Variants in AOAH observed in about 807,000 individuals in gnomAD.
AOAH encodes acyloxyacyl hydrolase (neutrophil).
A neutral mutation model predicts 92.2 loss-of-function variants in AOAH; 64 were observed. The ratio of observed to expected loss-of-function variants is 0.69; its 90% CI spans 0.57 to 0.86. The LOEUF (loss-of-function observed/expected upper bound fraction) is 0.86, where lower values mean the gene tolerates loss of function less well. Among genes scored for constraint, AOAH ranks in the 40% least tolerant of loss-of-function variants. The pLI, the probability that AOAH is intolerant of heterozygous loss-of-function variation, is 0.00. For missense variants in AOAH, 656 were observed against 694.6 expected, an observed-to-expected ratio of 0.94 and a Z score of 0.62; for synonymous variants, 263 against 254.5, an observed-to-expected ratio of 1.03 and a Z score of -0.32.
chr7:36,564,566 A>C (rs1475003674), intron 13 of AOAH, among the ~76,000 whole-genome samples: 2 of 152,246 alleles, frequency 1.3e-5, no homozygotes, highest in African/African-American at 4.8e-5. Flanking sequence ...AGCTCACTCA[A>C]GCTATCAGTA....
At chr7:36,515,008 C>T (rs543045766) in intron 20 of AOAH, among the ~76,000 whole-genome samples, 67 of 151,930 alleles carry the variant, frequency 4.4e-4, no homozygotes, top group East Asian at 1.5e-3. Context: ...TCACTCATCC[C>T]GCTGCGTAAT....
At chr7:36,656,694 C>T (rs778573977) in intron 4 of AOAH, among the ~76,000 whole-genome samples, 4 of 151,696 alleles carry the variant, frequency 2.6e-5, no homozygotes, top group African/African-American at 4.9e-5. Context: ...AGTTTGTTTA[C>T]GTTTTTTATG....
At chr7:36,688,173 A>G (rs918708022) in intron 1 of AOAH, among the ~76,000 whole-genome samples, 1 of 152,176 alleles carries the variant, frequency 6.6e-6, no homozygotes, top group Non-Finnish European at 1.5e-5. Flanking sequence ...ATTACATTGC[A>G]ATTAATTTAG....
At chr7:36,586,088 C>T (rs1288572470) in intron 12 of AOAH, among the ~76,000 whole-genome samples, 1 of 152,022 alleles carries the variant, frequency 6.6e-6, no homozygotes, top group Non-Finnish European at 1.5e-5. Context: ...GGGTCCCATC[C>T]CTTCTTGCCT....
intron 1 of AOAH, among the ~76,000 whole-genome samples, chr7:36,704,393 G>A (rs1216523980): frequency 6.6e-6 from 1 of 152,102 alleles, no homozygotes; most frequent in Non-Finnish European, 1.5e-5. Context: ...AAATCTAGAA[G>A]AAATGGATAA....
chr7:36,692,464 T>A (rs1025689747), intron 1 of AOAH, among the ~76,000 whole-genome samples: 90 of 148,390 alleles, frequency 6.1e-4, no homozygotes, highest in Non-Finnish European at 9.7e-4. Flanking sequence ...ATTTTTTTTT[T>A]ATGAGAAAAT....
Position 36,724,172 on chromosome 7 carries a change from A to G in AOAH, c.-24T>C. The G allele has an allele frequency of 6.2e-7, 1 of 1,610,394 alleles. No homozygotes were observed. The highest frequency in any genetic ancestry group is 8.5e-7 in the Non-Finnish European group (1 of 1,177,772). On this transcript the variant is annotated 5_prime_UTR_variant, in exon 1 of 21. Coordinates refer to ENST00000617537, the MANE Select transcript of AOAH (RefSeq NM_001637.4). ...ATCTCCGAGCTATGCACCCCAAGTG[A>G]TCACCCGGCTTTGGAAGCTCCCAAC...
intron 4 of AOAH, among the ~76,000 whole-genome samples, chr7:36,657,282 G>A (rs1407917688): frequency 6.6e-6 from 1 of 152,178 alleles, no homozygotes; most frequent in African/African-American, 2.4e-5. Flanking sequence ...TGTGAACCCA[G>A]TTCTGTTCTT....
At chr7:36,654,597 A>G (rs878898726) in intron 4 of AOAH, among the ~76,000 whole-genome samples, 1 of 152,150 alleles carries the variant, frequency 6.6e-6, no homozygotes, top group Admixed American at 6.5e-5. Context: ...GCTCCCTGCT[A>G]CAGAGGGGCC....
chr7:36,532,174 G>A lies in AOAH; in HGVS notation c.1398C>T (p.Asn466=). Residue 466 remains asparagine, a synonymous_variant, in exon 18 of 21, where the codon AAC becomes AAT. Transcript: ENST00000617537. ...CTGAAGTGAGAGTCCGCAACGTCTT[G>A]TTGGAAGACATCCAGCCGTGGCAGG... ...VSPCHGWMSS[N]KTLRTLTSER... 6.2e-7 allele frequency: 1 copy of A among 1,614,230 alleles called. No individual in the cohort carries two copies. Among genetic ancestry groups the A allele is most frequent in the Non-Finnish European group, 8.5e-7 (1 of 1,180,040 alleles).
At chr7:36,692,240 C>T (rs1431708972) in intron 1 of AOAH, among the ~76,000 whole-genome samples, 1 of 152,196 alleles carries the variant, frequency 6.6e-6, no homozygotes, top group Non-Finnish European at 1.5e-5. Context: ...TAGTTCCTCT[C>T]CCGTCTACTA....
At position 36,724,043 on chromosome 7, in the gene AOAH, AG is replaced by A. The variant is rs1240132130; in HGVS notation, c.105del (p.Ser36ArgfsTer7). 6.2e-7 allele frequency: 1 copy of A among 1,613,678 alleles called. No homozygotes were observed. The highest frequency in any genetic ancestry group is 8.5e-7 in the Non-Finnish European group (1 of 1,179,708). The part of the protein sequence containing the change: ...PANDDQSRPS[L>X]SNGHTCVGCV... Reference sequence around the variant, plus strand: ...ATACCTACACAGGTGTGCCCATTCGAGAGGCTGGGCCTGGACTGGTCATCGT... The same window carrying A: ...ATACCTACACAGGTGTGCCCATTCGAAGGCTGGGCCTGGACTGGTCATCGT... On this transcript the variant is annotated frameshift_variant, in exon 1 of 21. Coordinates refer to ENST00000617537, the MANE Select transcript of AOAH (RefSeq NM_001637.4). LOFTEE classifies it high-confidence loss of function.
chr7:36,610,146 T>C (rs1202523084), intron 11 of AOAH, among the ~76,000 whole-genome samples: 1 of 121,554 alleles, frequency 8.2e-6, no homozygotes, highest in East Asian at 2.2e-4. Context: ...TTAAGGAGAA[T>C]GCTCCATAAT....
At chr7:36,547,404 C>T (rs575919223) in intron 15 of AOAH, among the ~76,000 whole-genome samples, 13 of 152,334 alleles carry the variant, frequency 8.5e-5, no homozygotes, top group African/African-American at 1.4e-4. Context: ...TTTATCTGTG[C>T]GGGCAAACAC....
At chr7:36,613,398 A>C (rs1166596245) in intron 11 of AOAH, among the ~76,000 whole-genome samples, 2 of 152,184 alleles carry the variant, frequency 1.3e-5, no homozygotes, top group African/African-American at 4.8e-5. Context: ...AAACACAGAG[A>C]GTCTATTTTA....
intron 4 of AOAH, among the ~76,000 whole-genome samples, chr7:36,649,892 A>G (rs6973005): frequency 0.67 from 102,308 of 152,154 alleles, 35,388 homozygotes; most frequent in African/African-American, 0.85. Context: ...AAGACTCACC[A>G]TTGTTCCTGC....
intron 12 of AOAH, among the ~76,000 whole-genome samples, chr7:36,593,040 C>G (rs1194418870): frequency 6.6e-6 from 1 of 152,180 alleles, no homozygotes; most frequent in African/African-American, 2.4e-5. Flanking sequence ...CCCCAGTCTC[C>G]CATGTGTTAC....
Position 36,616,485 on chromosome 7 carries a change from C to T in AOAH, c.752-11G>A. 1.2e-6 allele frequency: 2 copies of T among 1,610,788 alleles called. No homozygotes were observed. Among genetic ancestry groups the T allele is most frequent in the South Asian group, 1.1e-5 (1 of 90,874 alleles). On this transcript the variant is annotated splice_polypyrimidine_tract_variant and intron_variant, in intron 10 of 20. Coordinates refer to ENST00000617537, the MANE Select transcript of AOAH (RefSeq NM_001637.4). ...CCCTGGGCTGTGAACCTAGGCAGCA[C>T]AATTTATTCACATTATTTATGCACT...
intron 1 of AOAH, among the ~76,000 whole-genome samples, chr7:36,705,325 C>CG (rs1229301312): frequency 6.6e-6 from 1 of 152,186 alleles, no homozygotes; most frequent in Admixed American, 6.5e-5. Flanking sequence ...AAATCACAAG[C>CG]ATTCCAATAC....
Sources: allele counts gnomAD v4.1 joint callset (sites outside exome capture counted in the v4.1 genomes callset), GRCh38; gene constraint gnomAD v4.1.1; transcripts MANE v1.5; gene names NCBI Gene and HGNC (gene_info 2026-07-23, HGNC 2026-07-21).